The following CAPS2 variants were observed in gnomAD, a reference collection of about 807,000 sequenced individuals.
CAPS2 encodes the protein calcyphosine 2, also known as calcyphosin-2.
CAPS2 carries 98 observed loss-of-function variants against 86.5 expected under a neutral mutation model. That is an observed-to-expected ratio of 1.13 (90% CI 0.96 to 1.34). The LOEUF (loss-of-function observed/expected upper bound fraction) is 1.34. CAPS2 is among the 40% of genes most tolerant of loss of function. The pLI is 0.00. For synonymous variants in CAPS2, 210 were observed against 225.1 expected (o/e 0.93, Z 0.60); for missense variants, 729 against 686.8 (o/e 1.06, Z -0.69).
chr12:75,310,784 G>A (rs1351823777), intron 7 of CAPS2, among the ~76,000 whole-genome samples: 1 of 152,066 alleles, frequency 6.6e-6, no homozygotes, highest in Non-Finnish European at 1.5e-5. Flanking sequence ...TTTCAGCTAA[G>A]TAGCTCAGTG....
chr12:75,330,629 T>A (rs1307301981), upstream of CAPS2, among the ~76,000 whole-genome samples: 1 of 152,182 alleles, frequency 6.6e-6, no homozygotes, highest in Non-Finnish European at 1.5e-5. Context: ...GACATGGATA[T>A]TACTTTAAAT....
chr12:75,291,480 CATATATATATATATATATAT>C (rs556770226), intron 13 of CAPS2, among the ~76,000 whole-genome samples: 7 of 18,636 alleles, frequency 3.8e-4, no homozygotes, highest in East Asian at 7.4e-3. Context: ...ACAATAAAAG[CATATATATATATATATATAT>C]ATATATATAT....
At chr12:75,304,839 C>T in exon 8 of CAPS2, 1 of 1,611,952 alleles carries the variant, frequency 6.2e-7, no homozygotes, top group South Asian at 1.1e-5. Flanking sequence ...TCTTTTTGCT[C>T]AATGGCTAAA....
chr12:75,334,637 G>T, upstream of CAPS2: 2 of 1,539,030 alleles, frequency 1.3e-6, no homozygotes, highest in South Asian at 2.6e-5. Context: ...AGCCAAGGGA[G>T]AGCGTGGTGC....
intron 1 of CAPS2, chr12:75,343,577 A>T: frequency 1.2e-6 from 1 of 804,534 alleles, no homozygotes; most frequent in Non-Finnish European, 1.9e-6. Flanking sequence ...TACCAAAGAA[A>T]AACTACATCT....
At chr12:75,305,953 C>A in intron 7 of CAPS2, 1 of 1,190,084 alleles carries the variant, frequency 8.4e-7, no homozygotes. Context: ...GCCCGAGGAG[C>A]ATGGACAGGG....
At position 75,293,277 on chromosome 12, in the gene CAPS2, T is replaced by C. The variant is rs2036318887; in HGVS notation, c.1135A>G (p.Ile379Val). ...AGAGAATCCAAAGCTATTTGATCAA[T>C]ATTTGTGATTCGGAGTTTAAGTAAT... The change falls in exon 12 of 17, where the codon ATT becomes GTT. Residue 379 changes from isoleucine (I) to valine (V), a missense_variant. Ile to Val is a conservative substitution (Grantham distance 29, BLOSUM62 3). Coordinates refer to ENST00000393284, the Ensembl canonical transcript of CAPS2. 2 of 1,609,596 alleles carry C rather than the reference T, an allele frequency of 1.2e-6. No individual in the cohort carries two copies. Among genetic ancestry groups the C allele is most frequent in the Admixed American group, 3.3e-5 (2 of 59,802 alleles).
intron 1 of CAPS2, among the ~76,000 whole-genome samples, chr12:75,375,125 C>T (rs1035950813): frequency 3.3e-5 from 5 of 152,158 alleles, no homozygotes; most frequent in Non-Finnish European, 5.9e-5. Flanking sequence ...TTTCCTACCA[C>T]AATAGCCCTC....
chr12:75,355,673 C>A (rs1160501781), intron 1 of CAPS2, among the ~76,000 whole-genome samples: 2 of 152,072 alleles, frequency 1.3e-5, no homozygotes, highest in South Asian at 2.1e-4. Flanking sequence ...AAGATAAATG[C>A]ACAAGTAGGT....
chr12:75,390,404 T>C, intron 1 of CAPS2: 1 of 456,264 alleles, frequency 2.2e-6, no homozygotes, highest in Non-Finnish European at 4.4e-6. Flanking sequence ...GAAGTAGAAA[T>C]GTTTTAACCT....
At chr12:75,304,236 T>C (rs1033408719) in intron 8 of CAPS2, among the ~76,000 whole-genome samples, 1 of 152,132 alleles carries the variant, frequency 6.6e-6, no homozygotes, top group African/African-American at 2.4e-5. Flanking sequence ...TCTGAAAATA[T>C]AAAAAAGCTA....
At chr12:75,303,242 G>C (rs79333185) in intron 8 of CAPS2, among the ~76,000 whole-genome samples, 40 of 152,160 alleles carry the variant, frequency 2.6e-4, no homozygotes, top group Non-Finnish European at 4.6e-4. Context: ...GGTAAAAGAA[G>C]ACAAACACAT....
intron 1 of CAPS2, among the ~76,000 whole-genome samples, chr12:75,365,871 C>A (rs376671998): frequency 2.0e-4 from 30 of 152,190 alleles, no homozygotes; most frequent in South Asian, 4.1e-4. Flanking sequence ...ATTAAACCAA[C>A]AATACCAAAT....
intron 1 of CAPS2, among the ~76,000 whole-genome samples, chr12:75,341,387 G>C (rs929829341): frequency 1.3e-5 from 2 of 152,174 alleles, no homozygotes; most frequent in Non-Finnish European, 2.9e-5. Flanking sequence ...TGAGTGAAGA[G>C]AAGCCAATCT....
rs2038457651 is a variant in CAPS2 at position 75,306,113 on chromosome 12, C to T, written c.660-1237G>A. On this transcript the variant is annotated intron_variant, in intron 7 of 16. Transcript: ENST00000393284. ...GGCCCTGGAAGAAGCACTCCACCTT[C>T]CACATTCGGGAACGTGCGGAAGCTC... The T allele has an allele frequency of 3.8e-6, 5 of 1,304,944 alleles. No individual in the cohort carries two copies. The South Asian group carries it at 4.8e-5, about 13-fold the overall frequency. The allele number at this position is 1,304,944 out of a possible 1,614,324, so 80.8% of individuals were successfully genotyped here.
intron 1 of CAPS2, among the ~76,000 whole-genome samples, chr12:75,372,419 C>T (rs2044419552): frequency 6.6e-6 from 1 of 152,146 alleles, no homozygotes; most frequent in Non-Finnish European, 1.5e-5. Context: ...GGTGGCAATC[C>T]TAACCTCCAG....
chr12:75,312,706 T>A (rs1030794278), intron 7 of CAPS2, 142 bp downstream of exon 7: 1 of 538,046 alleles, frequency 1.9e-6, no homozygotes, highest in African/African-American at 1.9e-5. Context: ...ACTAAAACAC[T>A]AACGGTGCAG....
chr12:75,278,501 A>G, exon 17 of CAPS2: 1 of 988,314 alleles, frequency 1.0e-6, no homozygotes, highest in East Asian at 1.1e-4. Flanking sequence ...GCAAAAAACA[A>G]TGTGAAAGGA....
At chr12:75,350,998 A>G (rs2042772478) in intron 1 of CAPS2, among the ~76,000 whole-genome samples, 1 of 152,244 alleles carries the variant, frequency 6.6e-6, no homozygotes, top group African/African-American at 2.4e-5. Context: ...TTAGAGAGGA[A>G]CATAAATGAA....
Sources: allele counts gnomAD v4.1 joint callset (sites outside exome capture counted in the v4.1 genomes callset), GRCh38; gene constraint gnomAD v4.1.1; transcripts MANE v1.5; gene names NCBI Gene and HGNC (gene_info 2026-07-23, HGNC 2026-07-21).